SEMA3A: variants seen among roughly 807,000 people sequenced by gnomAD.
SEMA3A encodes the protein semaphorin 3A, also known as semaphorin-3A.
A neutral mutation model predicts 97.9 loss-of-function variants in SEMA3A; 29 were observed. The ratio of observed to expected loss-of-function variants is 0.30; its 90% CI spans 0.22 to 0.40. SEMA3A has a LOEUF of 0.40. Among genes scored for constraint, SEMA3A ranks in the 10% least tolerant of loss-of-function variants. SEMA3A has a pLI of 1.00. For missense variants in SEMA3A, 763 were observed against 951.3 expected (o/e 0.80, Z 2.60); for synonymous variants, 321 against 323.7 (o/e 0.99, Z 0.09).
At chr7:84,086,269 C>T (rs553288781) in intron 4 of SEMA3A, among the ~76,000 whole-genome samples, 20 of 151,746 alleles carry the variant, frequency 1.3e-4, no homozygotes, top group African/African-American at 4.8e-4. Flanking sequence ...GTCCTGTGCT[C>T]GTTCCTACAA....
intron 3 of SEMA3A, among the ~76,000 whole-genome samples, chr7:84,283,128 G>A (rs1800488724): frequency 6.6e-6 from 1 of 152,026 alleles, no homozygotes; most frequent in Non-Finnish European, 1.5e-5. Flanking sequence ...TTGTGTGTGT[G>A]TGTGTTTGGG....
intron 2 of SEMA3A, among the ~76,000 whole-genome samples, chr7:84,360,171 C>T (rs1386516534): frequency 1.3e-5 from 2 of 152,078 alleles, no homozygotes; most frequent in African/African-American, 2.4e-5. Context: ...TATTTTCTGC[C>T]TTCTGCTAGC....
At chr7:84,094,323 T>A (rs1391370425) in intron 4 of SEMA3A, among the ~76,000 whole-genome samples, 1 of 121,456 alleles carries the variant, frequency 8.2e-6, no homozygotes, top group Non-Finnish European at 2.0e-5. Context: ...AGATCTTAAG[T>A]TTTTGCCTTT....
chr7:84,006,020 G>A (rs1017346392), intron 10 of SEMA3A, among the ~76,000 whole-genome samples: 3 of 152,078 alleles, frequency 2.0e-5, no homozygotes, highest in African/African-American at 7.2e-5. Flanking sequence ...AATTCTCAGT[G>A]AGATTTAGTT....
intron 1 of SEMA3A, among the ~76,000 whole-genome samples, chr7:84,386,769 G>A (rs1270967240): frequency 2.0e-5 from 3 of 152,126 alleles, no homozygotes; most frequent in African/African-American, 7.2e-5. Flanking sequence ...GGAGGCTGAG[G>A]TGAGTGGATC....
At chr7:84,457,895 G>A (rs1584339381) in intron 1 of SEMA3A, among the ~76,000 whole-genome samples, 1 of 151,910 alleles carries the variant, frequency 6.6e-6, no homozygotes, top group African/African-American at 2.4e-5. Context: ...ACTGATGTAT[G>A]GGAAATTAAC....
intron 15 of SEMA3A, among the ~76,000 whole-genome samples, chr7:83,967,821 A>C (rs1183283150): frequency 1.3e-5 from 2 of 152,174 alleles, no homozygotes; most frequent in Admixed American, 6.5e-5. Flanking sequence ...CACATAATAT[A>C]TGTACATATT....
chr7:84,148,645 C>A (rs1276029589), intron 1 of SEMA3A, among the ~76,000 whole-genome samples: 1 of 152,096 alleles, frequency 6.6e-6, no homozygotes, highest in African/African-American at 2.4e-5. Flanking sequence ...CTAAGTTGAT[C>A]CTTGAACAAC....
chr7:83,990,093 T>C (rs1263944242), intron 12 of SEMA3A, among the ~76,000 whole-genome samples: 1 of 151,908 alleles, frequency 6.6e-6, no homozygotes, highest in Non-Finnish European at 1.5e-5. Flanking sequence ...TTTTCATGTG[T>C]TTTTTGGCTG....
chr7:84,312,903 T>A (rs1584229568), intron 2 of SEMA3A, among the ~76,000 whole-genome samples: 1 of 63,358 alleles, frequency 1.6e-5, no homozygotes, highest in Non-Finnish European at 3.6e-5. Flanking sequence ...TATATATATA[T>A]ATATATATAT....
intron 3 of SEMA3A, among the ~76,000 whole-genome samples, chr7:84,298,619 G>T (rs1800923534): frequency 1.3e-5 from 2 of 152,260 alleles, no homozygotes; most frequent in South Asian, 2.1e-4. Context: ...CCTATACCTT[G>T]TTCCAAAAAT....
At chr7:84,468,791 T>A (rs554364356) in intron 1 of SEMA3A, among the ~76,000 whole-genome samples, 2 of 152,186 alleles carry the variant, frequency 1.3e-5, no homozygotes, top group East Asian at 3.9e-4. Flanking sequence ...AAGTATTAGA[T>A]TTATATCAAG....
chr7:84,406,949 G>T (rs1804109626), intron 1 of SEMA3A, among the ~76,000 whole-genome samples: 2 of 152,096 alleles, frequency 1.3e-5, no homozygotes, highest in Admixed American at 1.3e-4. Context: ...ATATCATACT[G>T]AATGGACAAA....
intron 3 of SEMA3A, among the ~76,000 whole-genome samples, chr7:84,290,421 T>A (rs1296480971): frequency 6.6e-6 from 1 of 151,040 alleles, no homozygotes; most frequent in Non-Finnish European, 1.5e-5. Flanking sequence ...ATTTTTAGAT[T>A]TTACACATTT....
chr7:84,195,035 AGAGAG>A, upstream of SEMA3A: 1 of 152,400 alleles, frequency 6.6e-6, no homozygotes, highest in South Asian at 2.1e-4. Context: ...AGAGAGAGAG[AGAGAG>A]AGAGAGAGAG....
intron 13 of SEMA3A, among the ~76,000 whole-genome samples, chr7:83,983,559 G>C (rs1292334088): frequency 6.6e-6 from 1 of 151,918 alleles, no homozygotes; most frequent in Non-Finnish European, 1.5e-5. Context: ...ATAGTATGTG[G>C]AAAGAATAGC....
intron 1 of SEMA3A, among the ~76,000 whole-genome samples, chr7:84,420,086 G>A (rs1268406817): frequency 1.3e-5 from 2 of 151,916 alleles, no homozygotes; most frequent in East Asian, 1.9e-4. Context: ...GGGGAAGAAG[G>A]AGAATCTTGT....
At chr7:83,989,766 C>T (rs1297699016) in intron 12 of SEMA3A, among the ~76,000 whole-genome samples, 12 of 148,190 alleles carry the variant, frequency 8.1e-5, no homozygotes, top group African/African-American at 1.5e-4. Context: ...TGAATACTGC[C>T]GCAATAAACA....
intron 6 of SEMA3A, among the ~76,000 whole-genome samples, chr7:84,034,960 T>C (rs1010843561): frequency 6.6e-5 from 10 of 152,166 alleles, no homozygotes; most frequent in African/African-American, 1.9e-4. Flanking sequence ...ACTATCTTTA[T>C]AAATTAAATT....
Sources: gnomAD v4.1 joint callset for allele counts (sites outside exome capture counted in the v4.1 genomes callset) on GRCh38, gnomAD v4.1.1 for gene constraint, MANE v1.5 for transcripts, NCBI Gene and HGNC (gene_info 2026-07-23, HGNC 2026-07-21) for gene names.